Variants in CCDC144A observed in about 807,000 individuals in gnomAD.
CCDC144A encodes the protein coiled-coil domain containing 144A.
Under a neutral mutation model 143.8 loss-of-function variants are expected in CCDC144A, and 41 were observed. That is an observed-to-expected ratio of 0.29 (90% CI 0.22 to 0.37). CCDC144A has a LOEUF of 0.37. Ranked by LOEUF, CCDC144A falls within the 10% of genes least tolerant of loss-of-function variation. CCDC144A has a pLI of 1.00. For missense variants in CCDC144A, 637 were observed against 1,488.8 expected (o/e 0.43, Z 9.41); for synonymous variants, 242 against 517.9 (o/e 0.47, Z 7.23).
chr17:16,674,579 G>A, the CCDC144A span, among the ~76,000 whole-genome samples: 5 of 148,516 alleles, frequency 3.4e-5, no homozygotes, highest in Admixed American at 2.0e-4. Context: ...GAAAGAGAAA[G>A]AAAAAGTGAG....
the CCDC144A span, chr17:16,684,376 C>G: frequency 2.5e-5 from 15 of 605,536 alleles, no homozygotes; most frequent in East Asian, 4.0e-4. Context: ...ATATTTGAGG[C>G]TGGGCGCGGT....
chr17:16,769,415 T>C (rs1915736846), intron 15 of CCDC144A, among the ~76,000 whole-genome samples: 1 of 152,262 alleles, frequency 6.6e-6, no homozygotes, highest in African/African-American at 2.4e-5. Context: ...TCTTTGTATG[T>C]ACAAATTAAT....
the CCDC144A span, among the ~76,000 whole-genome samples, chr17:16,670,706 G>A: frequency 7.9e-5 from 12 of 151,658 alleles, no homozygotes; most frequent in African/African-American, 2.7e-4. Flanking sequence ...ACAGGGTTTC[G>A]CCATGGTGTC....
the CCDC144A span, among the ~76,000 whole-genome samples, chr17:16,678,558 T>C: frequency 4.0e-5 from 6 of 150,444 alleles, no homozygotes; most frequent in African/African-American, 1.5e-4. Flanking sequence ...GAATCTCTGT[T>C]CTTTCTTCTT....
intron 9 of CCDC144A, among the ~76,000 whole-genome samples, chr17:16,729,272 AAT>A (rs1913591227): frequency 3.9e-5 from 6 of 152,180 alleles, no homozygotes; most frequent in African/African-American, 7.2e-5. Context: ...ACTTTTTAAT[AAT>A]GAGCATGCTG....
rs1457278045 is a variant in CCDC144A, at chr17:16,730,002, A to AT, written c.2106-1792dup. 4.2e-4 allele frequency among the ~76,000 whole-genome samples: 57 copies of AT among 136,596 alleles called. 1 individual carries two copies. Among genetic ancestry groups the AT allele is most frequent in the Non-Finnish European group, 6.6e-4 (42 of 64,092 alleles). The allele number at this position is 136,596 out of a possible 152,430, so 89.6% of individuals were successfully genotyped here. A position where few individuals can be genotyped will look rare whatever the true frequency, so the allele number is the denominator to read the frequency against. On this transcript the variant is annotated intron_variant, in intron 9 of 16. Transcript: ENST00000399273. ...TATATATATATATATACACACATAC[A>AT]TTTTTTGTTTTTTTTTGGTAGAGAT...
intron 13 of CCDC144A, 126 bp downstream of exon 13, chr17:16,761,844 G>C (rs1200107483): frequency 8.1e-7 from 1 of 1,233,284 alleles, no homozygotes; most frequent in Non-Finnish European, 1.1e-6. Flanking sequence ...CTAGAAGGAA[G>C]GTGGTATTTG....
chr17:16,746,162 T>C (rs1159093136), intron 12 of CCDC144A: 1 of 1,544,510 alleles, frequency 6.5e-7, no homozygotes, highest in Non-Finnish European at 8.8e-7. Context: ...CCTCTCCTCT[T>C]TCTTTTGGTT....
intron 15 of CCDC144A, among the ~76,000 whole-genome samples, chr17:16,770,028 A>G (rs1406333898): frequency 3.2e-4 from 48 of 150,664 alleles, no homozygotes; most frequent in African/African-American, 1.2e-3. Context: ...GGGTTTCACC[A>G]TATTGTCCAG....
chr17:16,707,451 A>T lies in CCDC144A; in HGVS notation c.665-18A>T. On this transcript the variant is annotated intron_variant, in intron 3 of 16. Coordinates refer to ENST00000399273, the MANE Select transcript of CCDC144A (RefSeq NM_001382000.1). ...CTAACTGTTCTAAGTAGTTTAACTG[A>T]ATGTTTGGATTTTGCAGCAGAACAA... The T allele has an allele frequency of 6.4e-7, 1 of 1,573,124 alleles. No homozygotes were observed. Among genetic ancestry groups the T allele is most frequent in the South Asian group, 1.2e-5 (1 of 86,904 alleles).
intron 2 of CCDC144A, among the ~76,000 whole-genome samples, chr17:16,696,954 T>C (rs1370202015): frequency 1.3e-5 from 2 of 151,540 alleles, no homozygotes; most frequent in East Asian, 3.9e-4. Flanking sequence ...AAGGGTGCAG[T>C]TGACTTCCTG....
At chr17:16,742,308 A>G (rs1354522702) in intron 12 of CCDC144A, among the ~76,000 whole-genome samples, 1 of 152,092 alleles carries the variant, frequency 6.6e-6, no homozygotes, top group Non-Finnish European at 1.5e-5. Context: ...GAAAACATAC[A>G]GTAGTTATTT....
chr17:16,707,343 T>A (rs1597541746), intron 3 of CCDC144A, 126 bp from the exon 4 acceptor site: 1 of 604,166 alleles, frequency 1.7e-6, no homozygotes, highest in Non-Finnish European at 2.9e-6. Context: ...CCACTAAAGA[T>A]CAAGCTTCAT....
At position 16,709,271 on chromosome 17, in the gene CCDC144A, A is replaced by G. The variant is rs538614545; in HGVS notation, c.1214A>G (p.Asn405Ser). The G allele has an allele frequency of 1.2e-6, 2 of 1,611,748 alleles. No homozygotes were observed. Among genetic ancestry groups the G allele is most frequent in the East Asian group, 2.2e-5 (1 of 44,868 alleles). The change falls in exon 5 of 17, where the codon AAT becomes AGT. Residue 405 changes from asparagine (N) to serine (S), a missense_variant. Transcript: ENST00000399273. ...HLHENKLDCD[N>S]DNKPGIGHIF... ...CATGAAAATAAATTAGACTGCGACAATGATAACAAACCAGGCATTGGACAT... is the reference window on the plus strand; with the variant it reads ...CATGAAAATAAATTAGACTGCGACAGTGATAACAAACCAGGCATTGGACAT...
chr17:16,691,474 A>C (rs1911066213), intron 1 of CCDC144A, among the ~76,000 whole-genome samples: 1 of 150,954 alleles, frequency 6.6e-6, no homozygotes, highest in African/African-American at 2.4e-5. Context: ...ATAAAATGAG[A>C]GCTTTGGCAG....
intron 2 of CCDC144A, among the ~76,000 whole-genome samples, chr17:16,699,437 G>A (rs1217056693): frequency 5.0e-5 from 7 of 139,742 alleles, no homozygotes; most frequent in Admixed American, 7.4e-5. Context: ...CTGCAGTGGC[G>A]CTATCTCGGC....
At chr17:16,683,909 G>T in the CCDC144A span, 1 of 1,333,580 alleles carries the variant, frequency 7.5e-7, no homozygotes, top group Non-Finnish European at 1.1e-6. Flanking sequence ...CTCCAGTAAT[G>T]GGCGTAGAAA....
intron 9 of CCDC144A, chr17:16,731,239 TGG>T (rs1913728407): frequency 6.6e-6 from 1 of 152,020 alleles, no homozygotes; most frequent in Non-Finnish European, 1.5e-5. Context: ...ATAAAAAGGA[TGG>T]GGTAACAGTT....
rs1408871286 is a variant in CCDC144A at position 16,709,583 on chromosome 17, T to G, written c.1526T>G (p.Leu509Ter). 1 of 1,611,600 alleles carries G rather than the reference T, an allele frequency of 6.2e-7. No homozygotes were observed. Among genetic ancestry groups the G allele is most frequent in the East Asian group, 2.2e-5 (1 of 44,816 alleles). Residue 509 changes from leucine to a stop codon, truncating the protein, a stop_gained, in exon 5 of 17, where the codon TTA (leucine) becomes TGA (stop). Transcript: ENST00000399273. LOFTEE classifies it high-confidence loss of function. ...MQKFKNEVNT[L>*]EEEFLALKKE... Reference sequence around the variant, plus strand: ...AAGTTTAAGAATGAGGTCAACACATTAGAAGAAGAGTTCCTGGCTTTGAAG... The same window carrying G: ...AAGTTTAAGAATGAGGTCAACACATGAGAAGAAGAGTTCCTGGCTTTGAAG...
Sources: gnomAD v4.1 joint callset for allele counts (sites outside exome capture counted in the v4.1 genomes callset) on GRCh38, gnomAD v4.1.1 for gene constraint, MANE v1.5 for transcripts, NCBI Gene and HGNC (gene_info 2026-07-23, HGNC 2026-07-21) for gene names.